Variants in UNC5D observed in about 807,000 individuals in gnomAD.
UNC5D encodes the protein netrin receptor UNC5D.
UNC5D carries 39 observed loss-of-function variants against 105.4 expected under a neutral mutation model. That is an observed-to-expected ratio of 0.37 (90% confidence interval 0.29 to 0.48). UNC5D has a LOEUF of 0.48. Ranked by LOEUF, UNC5D falls within the 20% of genes least tolerant of loss-of-function variation. UNC5D has a pLI of 0.98. For synonymous variants in UNC5D, 452 were observed against 450.4 expected (o/e 1.00, Z -0.04); for missense variants, 991 against 1,202.4 (o/e 0.82, Z 2.60).
chr8:35,341,779 AT>A (rs1811473194), intron 1 of UNC5D, among the ~76,000 whole-genome samples: 1 of 152,226 alleles, frequency 6.6e-6, no homozygotes, highest in African/African-American at 2.4e-5. Context: ...CAACCAGCTA[AT>A]TTTTTAAAAA....
chr8:35,279,445 T>C (rs1001676326), intron 1 of UNC5D, among the ~76,000 whole-genome samples: 1 of 152,184 alleles, frequency 6.6e-6, no homozygotes, highest in African/African-American at 2.4e-5. Flanking sequence ...AAAAATAATA[T>C]AAATTCCATG....
chr8:35,589,055 A>G (rs116770414), intron 3 of UNC5D, among the ~76,000 whole-genome samples: 1,958 of 152,112 alleles, frequency 0.013, 40 homozygotes, highest in African/African-American at 0.044. Flanking sequence ...AAAAAAAAAA[A>G]GGATTACCTG....
intron 11 of UNC5D, among the ~76,000 whole-genome samples, chr8:35,732,717 C>T (rs1299338392): frequency 6.6e-6 from 1 of 152,162 alleles, no homozygotes; most frequent in Non-Finnish European, 1.5e-5. Flanking sequence ...ACACTCCTAG[C>T]TCTGCATCCC....
At position 35,471,288 on chromosome 8, in the gene UNC5D, A is replaced by G. The variant is rs146564018; in HGVS notation, c.104-78004A>G. On this transcript the variant is annotated intron_variant, in intron 1 of 16. Transcript: ENST00000404895. The stretch of plus-strand genomic sequence containing the variant: ...ATTCCTTGAGCAAATGAATATCACT[A>G]TTGACTTACTTATGTCACAGAAGGT... Among the ~76,000 whole-genome samples the G allele has an allele frequency of 1.8e-4, 27 of 152,278 alleles. No individual in the cohort carries two copies. In the East Asian group the frequency reaches 4.8e-3, roughly 27 times the overall value.
In UNC5D at chr8:35,609,050, C is replaced by T. The variant is rs961209448; in HGVS notation, c.570+13393C>T. 8.5e-5 allele frequency among the ~76,000 whole-genome samples: 13 copies of T among 152,170 alleles called. No individual in the cohort carries two copies. In the Middle Eastern group the frequency reaches 0.01, roughly 120 times the overall value. ...CACTGTATAAAAGTTGCCTTTTCTC[C>T]GCATCTTGTCAACATCCAGTTTTTT... On this transcript the variant is annotated intron_variant, in intron 4 of 16. Transcript: ENST00000404895.
intron 1 of UNC5D, among the ~76,000 whole-genome samples, chr8:35,517,609 A>G (rs1244736382): frequency 1.3e-5 from 2 of 151,922 alleles, no homozygotes; most frequent in Non-Finnish European, 2.9e-5. Context: ...TGAGTGCCCA[A>G]TTTTCAGAGT....
intron 1 of UNC5D, among the ~76,000 whole-genome samples, chr8:35,410,512 A>AT (rs1259885130): frequency 1.3e-5 from 2 of 152,024 alleles, no homozygotes; most frequent in Non-Finnish European, 2.9e-5. Flanking sequence ...TTTGAGTGAG[A>AT]TTTTTGGATC....
chr8:35,439,287 G>A (rs896108210), intron 1 of UNC5D, among the ~76,000 whole-genome samples: 1 of 151,962 alleles, frequency 6.6e-6, no homozygotes, highest in Non-Finnish European at 1.5e-5. Flanking sequence ...AATAACATGA[G>A]AGTAACTTCT....
Position 35,790,906 on chromosome 8 carries a change from G to A in UNC5D, c.*343G>A, listed in dbSNP as rs1253042768. 6.9e-6 allele frequency: 2 copies of A among 290,482 alleles called. No homozygotes were observed. The highest frequency in any genetic ancestry group is 4.2e-5 in the African/African-American group (2 of 47,172). The allele number at this position is 290,482 out of a possible 1,614,324, so 18.0% of individuals were successfully genotyped here. ...GAAGGCAGAGATTGATTAAGTGCAT[G>A]CTTTGAAATAGGTTTTTAATGATGT... On this transcript the variant is annotated 3_prime_UTR_variant, in exon 17 of 17. Transcript: ENST00000404895.
chr8:35,773,701 C>G (rs1408539865), intron 15 of UNC5D, among the ~76,000 whole-genome samples: 3 of 148,342 alleles, frequency 2.0e-5, no homozygotes, highest in African/African-American at 7.9e-5. Flanking sequence ...TAATTCTGCT[C>G]TCACCTGACA....
At chr8:35,640,388 A>C (rs1003232268) in intron 4 of UNC5D, among the ~76,000 whole-genome samples, 8 of 152,202 alleles carry the variant, frequency 5.3e-5, no homozygotes, top group Non-Finnish European at 1.0e-4. Flanking sequence ...ATGTACCCAT[A>C]ATAATGGAAC....
intron 4 of UNC5D, among the ~76,000 whole-genome samples, chr8:35,620,097 G>C (rs1821266308): frequency 6.6e-6 from 1 of 152,184 alleles, no homozygotes; most frequent in Admixed American, 6.5e-5. Context: ...CATGTCATTA[G>C]ATGTCCCTGC....
chr8:35,545,924 C>T (rs1442286520), intron 1 of UNC5D, among the ~76,000 whole-genome samples: 1 of 152,044 alleles, frequency 6.6e-6, no homozygotes, highest in Admixed American at 6.6e-5. Flanking sequence ...GGGTCTGTCT[C>T]TCTCTGTCAC....
chr8:35,627,662 C>T (rs559065364), intron 4 of UNC5D, among the ~76,000 whole-genome samples: 1 of 152,318 alleles, frequency 6.6e-6, no homozygotes, highest in African/African-American at 2.4e-5. Context: ...GGCGCGGTGG[C>T]TCACGTCTGT....
In UNC5D at chr8:35,684,738, C is replaced by T; in HGVS notation, c.908C>T (p.Ser303Phe). Residue 303 changes from serine (S) to phenylalanine (F), a missense_variant, in exon 6 of 17, where the codon TCT (serine) becomes TTT (phenylalanine). Ser to Phe is a radical substitution (Grantham distance 155). Transcript: ENST00000404895. ...GMSVQKITCT[S>F]LCPVDGSWEV... Reference sequence around the variant, plus strand: ...TCAGTGCAGAAAATAACCTGCACTTCTCTTTGTCCTGGTGAGATATATGCA... The same window carrying T: ...TCAGTGCAGAAAATAACCTGCACTTTTCTTTGTCCTGGTGAGATATATGCA... The T allele has an allele frequency of 6.2e-7, 1 of 1,612,930 alleles. No individual in the cohort carries two copies. Among genetic ancestry groups the T allele is most frequent in the Non-Finnish European group, 8.5e-7 (1 of 1,179,420 alleles).
chr8:35,788,518 A>G (rs1426229269), intron 16 of UNC5D, among the ~76,000 whole-genome samples: 5 of 152,160 alleles, frequency 3.3e-5, no homozygotes, highest in African/African-American at 1.2e-4. Context: ...CCATGCTTTT[A>G]CTGAAGACAG....
intron 1 of UNC5D, among the ~76,000 whole-genome samples, chr8:35,541,019 T>C (rs182367987): frequency 6.6e-6 from 1 of 152,292 alleles, no homozygotes; most frequent in Admixed American, 6.5e-5. Context: ...TGAAAGTTCC[T>C]AGTTCAAGGC....
At chr8:35,421,540 G>A (rs1805897727) in intron 1 of UNC5D, among the ~76,000 whole-genome samples, 5 of 152,068 alleles carry the variant, frequency 3.3e-5, no homozygotes, top group Non-Finnish European at 2.9e-5. Flanking sequence ...TTAATAATAG[G>A]AATTGTTGGT....
intron 1 of UNC5D, among the ~76,000 whole-genome samples, chr8:35,343,784 C>A (rs1384856970): frequency 6.6e-6 from 1 of 152,112 alleles, no homozygotes; most frequent in East Asian, 1.9e-4. Context: ...GTTTTCAGAG[C>A]CTCAGAAACA....
Sources: allele counts gnomAD v4.1 joint callset (sites outside exome capture counted in the v4.1 genomes callset), GRCh38; gene constraint gnomAD v4.1.1; transcripts MANE v1.5; gene names NCBI Gene and HGNC (gene_info 2026-07-23, HGNC 2026-07-21).